Variants in TNRC6C observed in about 807,000 individuals in gnomAD.
The protein encoded by TNRC6C is trinucleotide repeat containing adaptor 6C, also known as trinucleotide repeat-containing gene 6C protein.
A neutral mutation model predicts 153.7 loss-of-function variants in TNRC6C; 20 were observed. That is an observed-to-expected ratio of 0.13 (90% CI 0.09 to 0.19). The LOEUF (loss-of-function observed/expected upper bound fraction) is 0.19, where lower values mean the gene tolerates loss of function less well. TNRC6C is among the 10% of genes least tolerant of loss of function. The pLI is 1.00. For missense variants in TNRC6C, 1,987 were observed against 2,172.0 expected, an observed-to-expected ratio of 0.91 and a Z score of 1.69; for synonymous variants, 811 against 841.4, an observed-to-expected ratio of 0.96 and a Z score of 0.63.
intron 2 of TNRC6C, among the ~76,000 whole-genome samples, chr17:78,036,581 G>T (rs111715861): frequency 0.049 from 7,413 of 152,170 alleles, 583 homozygotes; most frequent in African/African-American, 0.17. Context: ...TAGATAAAAT[G>T]TATATTTATA....
intron 3 of TNRC6C, among the ~76,000 whole-genome samples, chr17:78,062,217 T>C (rs1433179646): frequency 6.6e-6 from 1 of 152,226 alleles, no homozygotes; most frequent in Non-Finnish European, 1.5e-5. Flanking sequence ...TGGCGATAAC[T>C]GGTTAGGACT....
chr17:77,974,240 C>A (rs77655243), intron 1 of TNRC6C, among the ~76,000 whole-genome samples: 1 of 151,896 alleles, frequency 6.6e-6, no homozygotes, highest in Non-Finnish European at 1.5e-5. Context: ...TTAAAATGGG[C>A]GAAGGATTTC....
At chr17:77,986,394 CAA>C (rs759117475) in intron 1 of TNRC6C, among the ~76,000 whole-genome samples, 4 of 119,718 alleles carry the variant, frequency 3.3e-5, no homozygotes, top group African/African-American at 6.5e-5. Context: ...GCCTGGACAA[CAA>C]GAGTGAAACT....
chr17:78,017,103 C>T (rs2071742791), intron 1 of TNRC6C, among the ~76,000 whole-genome samples: 1 of 152,090 alleles, frequency 6.6e-6, no homozygotes, highest in Admixed American at 6.6e-5. Context: ...AGTATACAGT[C>T]AGGGAGGGAA....
intron 7 of TNRC6C, among the ~76,000 whole-genome samples, chr17:78,074,880 C>T (rs959070310): frequency 2.6e-5 from 4 of 152,198 alleles, no homozygotes; most frequent in African/African-American, 7.2e-5. Flanking sequence ...GGATAGAGGG[C>T]GGCAGGGCCA....
chr17:77,965,729 A>G (rs1055130970), intron 1 of TNRC6C, among the ~76,000 whole-genome samples: 1 of 152,240 alleles, frequency 6.6e-6, no homozygotes. Context: ...CGCCACATAC[A>G]CATATTAAAA....
intron 1 of TNRC6C, among the ~76,000 whole-genome samples, chr17:77,998,836 A>G (rs2071368672): frequency 6.6e-6 from 1 of 152,058 alleles, no homozygotes. Context: ...GATATTTTGG[A>G]TTTTATCCTG....
chr17:78,074,389 C>A (rs2073049422), intron 7 of TNRC6C, among the ~76,000 whole-genome samples: 1 of 152,154 alleles, frequency 6.6e-6, no homozygotes, highest in Non-Finnish European at 1.5e-5. Context: ...AGCAAGTAGG[C>A]CAGCTTTACA....
chr17:77,984,497 G>C (rs1335751687), intron 1 of TNRC6C, among the ~76,000 whole-genome samples: 2 of 152,136 alleles, frequency 1.3e-5, no homozygotes, highest in East Asian at 3.8e-4. Flanking sequence ...CAGCCTAAAT[G>C]TCAGAGCTAG....
intron 18 of TNRC6C, 160 bp downstream of exon 21, chr17:78,102,704 T>C (rs1228355947): frequency 2.6e-5 from 17 of 662,254 alleles, no homozygotes; most frequent in African/African-American, 3.7e-5. Context: ...AGTGCCAGGA[T>C]TGGCTCCAGC....
chr17:78,004,441 G>A (rs1215223331), upstream of TNRC6C, among the ~76,000 whole-genome samples: 3 of 152,164 alleles, frequency 2.0e-5, no homozygotes, highest in African/African-American at 4.8e-5. Flanking sequence ...GGTGACAGCC[G>A]TAAATGTCTA....
chr17:78,104,942 C>G lies in TNRC6C; in HGVS notation c.*97C>G, dbSNP rs2073665971. 4.4e-6 allele frequency: 6 copies of G among 1,359,894 alleles called. No homozygotes were observed. The highest frequency in any genetic ancestry group is 4.7e-6 in the Non-Finnish European group (5 of 1,058,502). The allele number at this position is 1,359,894 out of a possible 1,614,324, so 84.2% of individuals were successfully genotyped here. ...CCGCTGGAACCCAGCAGCGGCCGCCCTTTTGAGTACCTCTGTCCAGGACTG... is the reference window on the plus strand; with the variant it reads ...CCGCTGGAACCCAGCAGCGGCCGCCGTTTTGAGTACCTCTGTCCAGGACTG... On this transcript the variant is annotated 3_prime_UTR_variant, in exon 20 of 20. Transcript: ENST00000301624. The surrounding 1 kb of genome is among the most constrained non-coding windows in gnomAD (Gnocchi z 6.2).
intron 1 of TNRC6C, among the ~76,000 whole-genome samples, chr17:77,987,720 C>T (rs1046113972): frequency 6.6e-6 from 1 of 152,306 alleles, no homozygotes; most frequent in Admixed American, 6.5e-5. Flanking sequence ...GTCGCCCAGG[C>T]TGGAGTGCAG....
chr17:77,974,784 T>C (rs1468852340), intron 1 of TNRC6C, among the ~76,000 whole-genome samples: 4 of 152,224 alleles, frequency 2.6e-5, no homozygotes, highest in Admixed American at 2.0e-4. Flanking sequence ...TCTTAACTCA[T>C]TGAGTCTGTT....
At chr17:78,081,275 C>T (rs1025942541) in intron 10 of TNRC6C, among the ~76,000 whole-genome samples, 40 of 151,928 alleles carry the variant, frequency 2.6e-4, no homozygotes, top group South Asian at 4.2e-4. Flanking sequence ...TAGGAATTCT[C>T]GGGGGACGCA....
chr17:78,018,367 A>G (rs2071768961), intron 1 of TNRC6C, among the ~76,000 whole-genome samples: 1 of 152,126 alleles, frequency 6.6e-6, no homozygotes, highest in Non-Finnish European at 1.5e-5. Flanking sequence ...TGACCTCGTG[A>G]TCCGCCCCGC....
intron 1 of TNRC6C, among the ~76,000 whole-genome samples, chr17:77,967,400 GC>G (rs2070905888): frequency 6.7e-6 from 1 of 149,896 alleles, no homozygotes; most frequent in African/African-American, 2.5e-5. Context: ...CACAAGTCAT[GC>G]GGGGGGGGAG....
upstream of TNRC6C, chr17:78,004,976 T>C: frequency 9.4e-7 from 1 of 1,062,634 alleles, no homozygotes; most frequent in Non-Finnish European, 1.2e-6. Flanking sequence ...AGTTTGCTTA[T>C]AAACTTTCAT....
At position 78,049,398 on chromosome 17, in the gene TNRC6C, T is replaced by C; in HGVS notation, c.336T>C (p.Leu112=). The change falls in exon 3 of 20, where the codon CTT becomes CTC. Residue 112 remains leucine, a synonymous_variant. Transcript: ENST00000301624. The surrounding 1 kb of genome is among the most constrained non-coding windows in gnomAD (Gnocchi z 4.1). Reference sequence around the variant, plus strand: ...CCAACCCAGCTGCCTGGCCTGTACTTGGACATGAAGGAACCGTGGCGACAG... The same window carrying C: ...CCAACCCAGCTGCCTGGCCTGTACTCGGACATGAAGGAACCGTGGCGACAG... The C allele has an allele frequency of 6.2e-7, 1 of 1,614,018 alleles. No homozygotes were observed. Among genetic ancestry groups the C allele is most frequent in the Non-Finnish European group, 8.5e-7 (1 of 1,179,892 alleles).
Sources: allele counts gnomAD v4.1 joint callset (sites outside exome capture counted in the v4.1 genomes callset), GRCh38; gene constraint gnomAD v4.1.1; non-coding constraint Gnocchi (gnomAD v3.1); transcripts MANE v1.5; gene names NCBI Gene and HGNC (gene_info 2026-07-23, HGNC 2026-07-21).